FUNDC2: variants seen among roughly 807,000 people sequenced by gnomAD.
The protein encoded by FUNDC2 is FUN14 domain containing 2.
Under a neutral mutation model 15.6 loss-of-function variants are expected in FUNDC2, and 4 were observed. The ratio of observed to expected loss-of-function variants is 0.26; its 90% CI spans 0.13 to 0.59. The LOEUF (loss-of-function observed/expected upper bound fraction) is 0.59, where lower values mean the gene tolerates loss of function less well. Among genes scored for constraint, FUNDC2 ranks in the 20% least tolerant of loss-of-function variants. The pLI is 0.90. For missense variants in FUNDC2, 98 were observed against 149.7 expected (o/e 0.65, Z 1.80); for synonymous variants, 44 against 56.9 (o/e 0.77, Z 1.02).
chrX:155,054,170 C>T (rs935658685), intron 4 of FUNDC2: 1 of 753,760 alleles, frequency 1.3e-6, no homozygotes, highest in Non-Finnish European at 1.6e-6. Context: ...AATGAGAAGC[C>T]TCTATTGGAG....
chrX:155,059,690 G>A lies in FUNDC2; in HGVS notation c.*5018G>A, dbSNP rs1280923610. ...AACTGACACAATCCTTTAAAAGAAG[G>A]AACTGATTTGAACCTTTCAAAACTG... is the stretch of plus-strand genomic sequence containing the variant. On this transcript the variant is annotated 3_prime_UTR_variant, in exon 5 of 5. Coordinates refer to ENST00000369498, the MANE Select transcript of FUNDC2 (RefSeq NM_023934.4). 4 of 112,136 alleles carry A rather than the reference G, an allele frequency of 3.6e-5. No individual in the cohort carries two copies. Among genetic ancestry groups the A allele is most frequent in the African/African-American group, 6.5e-5 (2 of 30,835 alleles). The allele number at this position is 112,136 out of a possible 1,213,427, so 9.2% of individuals were successfully genotyped here.
Position 155,055,639 on chromosome X carries a change from C to CA in FUNDC2, c.*968dup, listed in dbSNP as rs1557290807. 1 of 171,642 alleles carries CA rather than the reference C, an allele frequency of 5.8e-6. No individual in the cohort carries two copies. Among genetic ancestry groups the CA allele is most frequent in the Non-Finnish European group, 1.1e-5 (1 of 92,400 alleles). 14.1% of individuals were successfully genotyped at this position (171,642 alleles called of 1,213,427 possible). ...TTAAAAGCTTACACACACACACACACACGGGCACACACGCACACACAGAAT... is the reference window on the plus strand; with the variant it reads ...TTAAAAGCTTACACACACACACACACAACGGGCACACACGCACACACAGAAT... On this transcript the variant is annotated 3_prime_UTR_variant, in exon 5 of 5. Coordinates refer to ENST00000369498, the MANE Select transcript of FUNDC2 (RefSeq NM_023934.4).
In FUNDC2 at chrX:155,057,682, G is replaced by T. The variant is rs892290084; in HGVS notation, c.*3010G>T. 10 of 111,953 alleles carry T rather than the reference G, an allele frequency of 8.9e-5. No individual in the cohort carries two copies. Among genetic ancestry groups the T allele is most frequent in the African/African-American group, 3.3e-4 (10 of 30,728 alleles). The allele number at this position is 111,953 out of a possible 1,213,427, so 9.2% of individuals were successfully genotyped here. ...CAGGGACCCCTTCTGTCCCCTTCCT[G>T]GCTACTATGGGTCGGCCCTGCGTCC... is the stretch of plus-strand genomic sequence containing the variant. On this transcript the variant is annotated 3_prime_UTR_variant, in exon 5 of 5. Transcript: ENST00000369498.
chrX:155,050,768 A>C (rs2073877334), intron 3 of FUNDC2: 1 of 111,828 alleles, frequency 8.9e-6, no homozygotes, highest in South Asian at 3.7e-4. Flanking sequence ...CCCATTTTTA[A>C]AGTGAACTTT....
rs2073914949 is a variant in FUNDC2, at chrX:155,058,129, C to G, written c.*3457C>G. On this transcript the variant is annotated 3_prime_UTR_variant, in exon 5 of 5. Coordinates refer to ENST00000369498, the MANE Select transcript of FUNDC2 (RefSeq NM_023934.4). ...CATTCATTAACAGGACAGTGGGGTTCTTGACTCCCCTACCACTGGGGTGAC... is the reference window on the plus strand; with the variant it reads ...CATTCATTAACAGGACAGTGGGGTTGTTGACTCCCCTACCACTGGGGTGAC... 1 of 111,524 alleles carries G rather than the reference C, an allele frequency of 9.0e-6. No homozygotes were observed. Among genetic ancestry groups the G allele is most frequent in the Non-Finnish European group, 1.9e-5 (1 of 53,145 alleles). The allele number at this position is 111,524 out of a possible 1,213,427, so 9.2% of individuals were successfully genotyped here.
chrX:155,051,997 C>G (rs1295600507), intron 4 of FUNDC2, among the ~76,000 whole-genome samples, 196 bp downstream of exon 4: 1 of 112,701 alleles, frequency 8.9e-6, no homozygotes, highest in Non-Finnish European at 1.9e-5. Context: ...TGACCTTTGT[C>G]TGTGCACATT....
At chrX:155,038,763 A>C (rs183576293) in intron 2 of FUNDC2, among the ~76,000 whole-genome samples, 32 of 112,433 alleles carry the variant, frequency 2.8e-4, no homozygotes, top group African/African-American at 1.0e-3. Context: ...TGGACACTTA[A>C]GTTGTCTCTA....
chrX:155,034,749 A>T (rs1449283235), intron 2 of FUNDC2, among the ~76,000 whole-genome samples: 1 of 112,041 alleles, frequency 8.9e-6, no homozygotes, highest in Non-Finnish European at 1.9e-5. Context: ...GACTATAAAA[A>T]TTTTACCAGT....
intron 3 of FUNDC2, chrX:155,050,290 G>A (rs1454858579): frequency 1.8e-5 from 2 of 111,651 alleles, no homozygotes; most frequent in Admixed American, 9.5e-5. Context: ...ATGAATTTGC[G>A]TTGAATTTTG....
intron 2 of FUNDC2, 37 bp downstream of exon 2, chrX:155,033,590 A>G (rs1603438513): frequency 1.7e-6 from 2 of 1,157,526 alleles, no homozygotes; most frequent in Non-Finnish European, 2.4e-6. Context: ...TCTTTTGTGC[A>G]TGATTTAGTA....
At chrX:155,034,890 T>C (rs989182973) in intron 2 of FUNDC2, among the ~76,000 whole-genome samples, 15 of 111,665 alleles carry the variant, frequency 1.3e-4, no homozygotes, top group African/African-American at 4.9e-4. Context: ...CTAGTTTTTT[T>C]CCTCTGAAGT....
At position 155,051,767 on chromosome X, in the gene FUNDC2, A is replaced by G; in HGVS notation, c.458A>G (p.Gln153Arg). 1 of 1,211,490 alleles carries G rather than the reference A, an allele frequency of 8.3e-7. No individual in the cohort carries two copies. Among genetic ancestry groups the G allele is most frequent in the Non-Finnish European group, 1.1e-6 (1 of 894,909 alleles). The change falls in exon 4 of 5, where the codon CAG (glutamine) becomes CGG (arginine). Residue 153 changes from glutamine (Q) to arginine (R), a missense_variant. Gln to Arg is a conservative substitution (Grantham distance 43, BLOSUM62 1). Transcript: ENST00000369498. The stretch of plus-strand genomic sequence containing the variant: ...CAGCTGAAGATCCGTAAGAGCAATC[A>G]GATACCTACTGAGGTCAGGAGCAAA... ...KEQLKIRKSN[Q>R]IPTEVRSKAE... is the part of the protein sequence containing the mutation.
In FUNDC2 at chrX:155,055,651, C is replaced by T. The variant is rs1012338466; in HGVS notation, c.*979C>T. On this transcript the variant is annotated 3_prime_UTR_variant, in exon 5 of 5. Coordinates refer to ENST00000369498, the MANE Select transcript of FUNDC2 (RefSeq NM_023934.4). The stretch of plus-strand genomic sequence containing the variant: ...ACACACACACACACACGGGCACACA[C>T]GCACACACAGAATCTTACCACATTT... 12 of 164,901 alleles carry T rather than the reference C, an allele frequency of 7.3e-5. No individual in the cohort carries two copies. The highest frequency in any genetic ancestry group is 1.6e-4 in the Admixed American group (2 of 12,209). 13.6% of individuals were successfully genotyped at this position (164,901 alleles called of 1,213,427 possible).
At position 155,057,260 on chromosome X, in the gene FUNDC2, T is replaced by A. The variant is rs2073909510; in HGVS notation, c.*2588T>A. 1 of 111,091 alleles carries A rather than the reference T, an allele frequency of 9.0e-6. No individual in the cohort carries two copies. Among genetic ancestry groups the A allele is most frequent in the Admixed American group, 9.5e-5 (1 of 10,502 alleles). 9.2% of individuals were successfully genotyped at this position (111,091 alleles called of 1,213,427 possible). A position where few individuals can be genotyped will look rare whatever the true frequency, so the allele number is the denominator to read the frequency against. ...TTTGTTTCAGGTGGTGAAGTGGGAG[T>A]TAAGGTTTCCCCCAAAAGAACAGCT... On this transcript the variant is annotated 3_prime_UTR_variant, in exon 5 of 5. Transcript: ENST00000369498.
chrX:155,057,598 T>C lies in FUNDC2; in HGVS notation c.*2926T>C, dbSNP rs2073911765. 1 of 111,812 alleles carries C rather than the reference T, an allele frequency of 8.9e-6. No individual in the cohort carries two copies. The highest frequency in any genetic ancestry group is 3.3e-5 in the African/African-American group (1 of 30,653). 9.2% of individuals were successfully genotyped at this position (111,812 alleles called of 1,213,427 possible). ...CAACTTGTCAACCAATAGGATGGCA[T>C]CTACGTAGTGAAGGCTTCCCTTCCC... On this transcript the variant is annotated 3_prime_UTR_variant, in exon 5 of 5. Coordinates refer to ENST00000369498, the MANE Select transcript of FUNDC2 (RefSeq NM_023934.4).
rs782093571 is a variant in FUNDC2 at position 155,051,737 on chromosome X, A to G, written c.428A>G (p.Lys143Arg). 7 of 1,211,171 alleles carry G rather than the reference A, an allele frequency of 5.8e-6. No homozygotes were observed. Among genetic ancestry groups the G allele is most frequent in the Non-Finnish European group, 7.8e-6 (7 of 894,658 alleles). The change falls in exon 4 of 5, where the codon AAA (lysine) becomes AGA (arginine). Residue 143 changes from lysine to arginine, a missense_variant. Physicochemically the swap from Lys to Arg is conservative, Grantham distance 26. Transcript: ENST00000369498. Reference protein sequence around the residue: ...QRVEKDMKKAKEQLKIRKSNQ... With the variant: ...QRVEKDMKKAREQLKIRKSNQ... Reference sequence around the variant, plus strand: ...GTGGAGAAGGACATGAAGAAAGCCAAAGAGCAGCTGAAGATCCGTAAGAGC... The same window carrying G: ...GTGGAGAAGGACATGAAGAAAGCCAGAGAGCAGCTGAAGATCCGTAAGAGC...
rs1288229577 is a variant in FUNDC2 at position 155,056,281 on chromosome X, A to G, written c.*1609A>G. ...TTTTACCAGTTATTGTGAAACAAAT[A>G]TCAAAATGTCATTTTATCATATTTC... On this transcript the variant is annotated 3_prime_UTR_variant, in exon 5 of 5. Transcript: ENST00000369498. The G allele has an allele frequency of 8.9e-6, 1 of 112,162 alleles. No homozygotes were observed. Among genetic ancestry groups the G allele is most frequent in the African/African-American group, 3.2e-5 (1 of 30,823 alleles). 9.2% of individuals were successfully genotyped at this position (112,162 alleles called of 1,213,427 possible). A position where few individuals can be genotyped will look rare whatever the true frequency, so the allele number is the denominator to read the frequency against.
In FUNDC2 at chrX:155,058,450, T is replaced by G. The variant is rs2073916294; in HGVS notation, c.*3778T>G. ...TTTGTACAGTTTGGGAATCTCTGCT[T>G]GAAAAGATGGTATACTGATGGATTT... is the stretch of plus-strand genomic sequence containing the variant. On this transcript the variant is annotated 3_prime_UTR_variant, in exon 5 of 5. Transcript: ENST00000369498. 9.0e-6 allele frequency: 1 copy of G among 111,236 alleles called. No homozygotes were observed. The highest frequency in any genetic ancestry group is 3.3e-5 in the African/African-American group (1 of 30,468). 9.2% of individuals were successfully genotyped at this position (111,236 alleles called of 1,213,427 possible). A position where few individuals can be genotyped will look rare whatever the true frequency, so the allele number is the denominator to read the frequency against.
rs782579626 is a variant in FUNDC2, at chrX:155,027,002, G to T, written c.64G>T (p.Ala22Ser). ...VVATTARHSA[A>S]YRADPLRVSS... ...GGCGACAACTGCGCGCCACTCCGCG[G>T]CCTACCGCGCAGATCCTCTACGTGT... is the stretch of plus-strand genomic sequence containing the variant. The change falls in exon 1 of 5, where the codon GCC becomes TCC. Residue 22 changes from alanine (A) to serine (S), a missense_variant. Transcript: ENST00000369498. The T allele has an allele frequency of 6.6e-6, 8 of 1,203,669 alleles. No individual in the cohort carries two copies. The South Asian group carries it at 1.4e-4, about 22-fold the overall frequency.
Sources: allele counts gnomAD v4.1 joint callset (sites outside exome capture counted in the v4.1 genomes callset), GRCh38; gene constraint gnomAD v4.1.1; transcripts MANE v1.5; gene names NCBI Gene and HGNC (gene_info 2026-07-23, HGNC 2026-07-21).